C11orf54: variants seen among roughly 807,000 people sequenced by gnomAD.
The protein encoded by C11orf54 is beta-keto-L-gulonate decarboxylase, also known as beta-keto L-gulonate decarboxylase.
A neutral mutation model predicts 35.5 loss-of-function variants in C11orf54; 29 were observed. That is an observed-to-expected ratio of 0.82 (90% CI 0.61 to 1.11). C11orf54 has a LOEUF of 1.11. Among genes scored for constraint, C11orf54 ranks in the 50% most tolerant of loss-of-function variants. The pLI is 0.00. For missense variants in C11orf54, 373 were observed against 369.2 expected (o/e 1.01, Z -0.08); for synonymous variants, 108 against 121.1 (o/e 0.89, Z 0.71).
chr11:93,762,294 T>C lies in C11orf54; in HGVS notation c.*606T>C, dbSNP rs1217690256. ...ATTACCTGCAGGATATTAAAAAACA[T>C]TTGAAAAAGAGAAAAAGAAAAATCA... On this transcript the variant is annotated 3_prime_UTR_variant, in exon 9 of 9. Coordinates refer to ENST00000354421, the MANE Select transcript of C11orf54 (RefSeq NM_001286069.2). 1 of 152,200 alleles carries C rather than the reference T, an allele frequency of 6.6e-6. No homozygotes were observed. The highest frequency in any genetic ancestry group is 2.4e-5 in the African/African-American group (1 of 41,470). The allele number at this position is 152,200 out of a possible 1,614,324, so 9.4% of individuals were successfully genotyped here. A position where few individuals can be genotyped will look rare whatever the true frequency, so the allele number is the denominator to read the frequency against.
chr11:93,747,597 C>T (rs1305851293), intron 2 of C11orf54, 149 bp downstream of exon 2: 6 of 459,590 alleles, frequency 1.3e-5, no homozygotes, highest in Middle Eastern at 5.9e-4. Context: ...ATTCATTTTC[C>T]ATTTCAGTAT....
chr11:93,745,015 T>C (rs982959141), intron 1 of C11orf54, among the ~76,000 whole-genome samples: 2 of 152,092 alleles, frequency 1.3e-5, no homozygotes, highest in African/African-American at 2.4e-5. Context: ...GATGTGTAAG[T>C]AGGCTAGATT....
rs369332194 is a variant in C11orf54 at position 93,747,373 on chromosome 11, C to G, written c.-21C>G. 1.8e-4 allele frequency: 276 copies of G among 1,576,082 alleles called. 1 individual carries two copies. In the African/African-American group the frequency reaches 3.4e-3, roughly 19 times the overall value. On this transcript the variant is annotated 5_prime_UTR_variant, in exon 2 of 9. Transcript: ENST00000354421. ...AAGAGTAGCTCTATTTGTCCAACCT[C>G]ACACCTAAAGAAGAAAGAAAATGGC... is the stretch of plus-strand genomic sequence containing the variant.
chr11:93,763,854 A>G lies in C11orf54; in HGVS notation c.*2166A>G, dbSNP rs1030387333. On this transcript the variant is annotated 3_prime_UTR_variant, in exon 9 of 9. Coordinates refer to ENST00000354421, the MANE Select transcript of C11orf54 (RefSeq NM_001286069.2). ...TGAAGCTTTCTGGGGAAAGCAGGGC[A>G]GCTCCTAAGCAGGATTTGACAACAG... 3.3e-5 allele frequency: 5 copies of G among 152,250 alleles called. No individual in the cohort carries two copies. The highest frequency in any genetic ancestry group is 5.9e-5 in the Non-Finnish European group (4 of 68,068). 9.4% of individuals were successfully genotyped at this position (152,250 alleles called of 1,614,324 possible). A position where few individuals can be genotyped will look rare whatever the true frequency, so the allele number is the denominator to read the frequency against.
At chr11:93,743,281 G>C (rs1942244420) in intron 1 of C11orf54, among the ~76,000 whole-genome samples, 1 of 152,022 alleles carries the variant, frequency 6.6e-6, no homozygotes, top group Non-Finnish European at 1.5e-5. Flanking sequence ...GAGTACAGGC[G>C]TGAATCACCG....
In C11orf54 at chr11:93,761,583, T is replaced by A. The variant is rs1346097788; in HGVS notation, c.843T>A (p.Tyr281Ter). 2 of 1,613,338 alleles carry A rather than the reference T, an allele frequency of 1.2e-6. No individual in the cohort carries two copies. Residue 281 changes from tyrosine to a stop codon, truncating the protein, a stop_gained, in exon 9 of 9, where the codon TAT (tyrosine) becomes TAA (stop). Coordinates refer to ENST00000354421, the MANE Select transcript of C11orf54 (RefSeq NM_001286069.2). LOFTEE classifies it high-confidence loss of function. Reference protein sequence around the residue: ...SRHGEGGHYHYDTTPDIVEYL... With the variant: ...SRHGEGGHYH The stretch of plus-strand genomic sequence containing the variant: ...ATGGAGAAGGTGGACACTACCATTA[T>A]GACACTACTCCAGATATAGTGGAAT...
In C11orf54 at chr11:93,764,647, C is replaced by T. The variant is rs1215289858; in HGVS notation, c.*2959C>T. 2 of 151,978 alleles carry T rather than the reference C, an allele frequency of 1.3e-5. No individual in the cohort carries two copies. Among genetic ancestry groups the T allele is most frequent in the Non-Finnish European group, 2.9e-5 (2 of 67,976 alleles). The allele number at this position is 151,978 out of a possible 1,614,324, so 9.4% of individuals were successfully genotyped here. A position where few individuals can be genotyped will look rare whatever the true frequency, so the allele number is the denominator to read the frequency against. On this transcript the variant is annotated 3_prime_UTR_variant, in exon 9 of 9. Coordinates refer to ENST00000354421, the MANE Select transcript of C11orf54 (RefSeq NM_001286069.2). ...TTTCTTTATAGAGACAGAGTTTCGC[C>T]GTGTTGGCCAGGCTGTTCTCGAACT...
At position 93,761,675 on chromosome 11, in the gene C11orf54, T is replaced by C. The variant is rs114772094; in HGVS notation, c.935T>C (p.Ile312Thr). The C allele has an allele frequency of 3.3e-3, 5,280 of 1,594,526 alleles. 151 individuals carry two copies. The African/African-American group carries it at 0.063, about 19-fold the overall frequency. ...RIDQPKETHS[I>T]GRD The stretch of plus-strand genomic sequence containing the variant: ...GATCAACCAAAAGAGACGCATTCAA[T>C]TGGGCGAGATTAAATCAGCTGATAC... Residue 312 changes from isoleucine to threonine, a missense_variant, in exon 9 of 9, where the codon ATT becomes ACT. Coordinates refer to ENST00000354421, the MANE Select transcript of C11orf54 (RefSeq NM_001286069.2).
intron 3 of C11orf54, among the ~76,000 whole-genome samples, chr11:93,753,158 T>C (rs937979448): frequency 1.3e-5 from 2 of 152,080 alleles, no homozygotes; most frequent in African/African-American, 4.8e-5. Flanking sequence ...AATTTTTCTA[T>C]TTTTAGTAGA....
At chr11:93,756,663 A>T (rs765774652) in intron 6 of C11orf54, among the ~76,000 whole-genome samples, 3 of 152,190 alleles carry the variant, frequency 2.0e-5, no homozygotes, top group African/African-American at 2.4e-5. Flanking sequence ...GATGAATCAC[A>T]CATTGCTCTA....
At chr11:93,756,412 G>A (rs1034950787) in intron 6 of C11orf54, among the ~76,000 whole-genome samples, 2 of 148,218 alleles carry the variant, frequency 1.3e-5, no homozygotes, top group Non-Finnish European at 3.0e-5. Flanking sequence ...AGGATCCCTT[G>A]TGCCCAGGTG....
intron 1 of C11orf54, among the ~76,000 whole-genome samples, chr11:93,745,140 G>A (rs768100467): frequency 6.6e-6 from 1 of 152,180 alleles, no homozygotes; most frequent in South Asian, 2.1e-4. Context: ...AGAATAGAAC[G>A]AATAGTCGGC....
rs374573884 is a variant in C11orf54, at chr11:93,753,979, G to A, written c.272G>A (p.Gly91Glu). Residue 91 changes from glycine to glutamate, a missense_variant, in exon 5 of 9, where the codon GGA becomes GAA. By Grantham distance (98) the Gly-to-Glu change is moderately conservative (BLOSUM62 -2). Transcript: ENST00000354421. ...NKIAKEIKLP[G>E]AFILGAGAGP... ...ATTGCAAAAGAAATCAAGCTGCCTG[G>A]AGCCTTTATTCTTGGAGCAGGAGCA... is the stretch of plus-strand genomic sequence containing the variant. The A allele has an allele frequency of 6.2e-7, 1 of 1,614,064 alleles. No homozygotes were observed. The highest frequency in any genetic ancestry group is 8.5e-7 in the Non-Finnish European group (1 of 1,179,984).
Position 93,755,163 on chromosome 11 carries a change from CTT to C in C11orf54, c.331-45_331-44del, listed in dbSNP as rs780652831. 7 of 1,564,312 alleles carry C rather than the reference CTT, an allele frequency of 4.5e-6. No homozygotes were observed. In the Admixed American group the frequency reaches 1.2e-4, roughly 27 times the overall value. On this transcript the variant is annotated intron_variant, in intron 5 of 8. Coordinates refer to ENST00000354421, the MANE Select transcript of C11orf54 (RefSeq NM_001286069.2). ...TTTGTAACATTATTCAAGATATTCTCTTTGCAGAGATACAAAGATTGACTAAT... is the reference window on the plus strand; with the variant it reads ...TTTGTAACATTATTCAAGATATTCTCTGCAGAGATACAAAGATTGACTAAT...
chr11:93,758,835 G>A (rs1173647309), intron 7 of C11orf54, among the ~76,000 whole-genome samples: 1 of 152,248 alleles, frequency 6.6e-6, no homozygotes, highest in Non-Finnish European at 1.5e-5. Context: ...GGGGCAGAAG[G>A]GGGCGGGTTT....
Position 93,755,398 on chromosome 11 carries a change from C to T in C11orf54, c.507+12C>T. ...GCCAACCTGGCAAGGTGATTGTGTC[C>T]ATAAAAATACAATATTCCCTAAATG... is the stretch of plus-strand genomic sequence containing the variant. On this transcript the variant is annotated intron_variant, in intron 6 of 8. Transcript: ENST00000354421. 1 of 1,608,376 alleles carries T rather than the reference C, an allele frequency of 6.2e-7. No homozygotes were observed. The highest frequency in any genetic ancestry group is 1.1e-5 in the South Asian group (1 of 90,650).
chr11:93,755,497 T>G, intron 6 of C11orf54, 111 bp downstream of exon 6: 2 of 1,231,156 alleles, frequency 1.6e-6, no homozygotes, highest in Non-Finnish European at 2.2e-6. Context: ...TTTCCCACTT[T>G]GGGAGGCCAA....
At chr11:93,760,276 C>A (rs1300168350) in intron 8 of C11orf54, among the ~76,000 whole-genome samples, 1 of 152,074 alleles carries the variant, frequency 6.6e-6, no homozygotes, top group African/African-American at 2.4e-5. Flanking sequence ...ATGAGGGTAG[C>A]CTCTAGAATT....
intron 2 of C11orf54, among the ~76,000 whole-genome samples, chr11:93,748,981 TAAAAATAGA>T (rs1271146623): frequency 6.6e-6 from 1 of 151,280 alleles, no homozygotes; most frequent in Non-Finnish European, 1.5e-5. Context: ...CTGTCTCTAC[TAAAAATAGA>T]AAAAATAGCT....
Sources: allele counts gnomAD v4.1 joint callset (sites outside exome capture counted in the v4.1 genomes callset), GRCh38; gene constraint gnomAD v4.1.1; transcripts MANE v1.5; gene names NCBI Gene and HGNC (gene_info 2026-07-23, HGNC 2026-07-21).